The following DAG1 variants were observed in gnomAD, a reference collection of about 807,000 sequenced individuals.
The protein encoded by DAG1 is dystroglycan 1 (dystrophin-associated glycoprotein 1).
In DAG1, 8 loss-of-function variants were observed where a neutral mutation model predicts 46.1. The observed-to-expected ratio is 0.17, with a 90% CI of 0.10 to 0.31. The LOEUF is 0.31. Among genes scored for constraint, DAG1 ranks in the 10% least tolerant of loss-of-function variants. The pLI is 1.00. For missense variants in DAG1, 1,003 were observed against 1,189.9 expected (o/e 0.84, Z 2.31); for synonymous variants, 495 against 481.8 (o/e 1.03, Z -0.36).
chr3:49,490,089 T>TA (rs2107295114), intron 1 of DAG1, among the ~76,000 whole-genome samples: 1 of 152,204 alleles, frequency 6.6e-6, no homozygotes, highest in African/African-American at 2.4e-5. Flanking sequence ...CGCGGTGGCT[T>TA]ACGCCTGTAA....
intron 2 of DAG1, among the ~76,000 whole-genome samples, chr3:49,522,224 G>A (rs1432736138): frequency 6.6e-6 from 1 of 151,866 alleles, no homozygotes; most frequent in African/African-American, 2.4e-5. Context: ...TAGAGATGGG[G>A]TTTCACCATG....
upstream of DAG1, among the ~76,000 whole-genome samples, chr3:49,469,785 C>A (rs1178438957): frequency 6.6e-6 from 1 of 152,226 alleles, no homozygotes; most frequent in Non-Finnish European, 1.5e-5. Context: ...CTTAGAAATA[C>A]CCCTTGATTT....
At chr3:49,514,331 A>C (rs544550279) in intron 2 of DAG1, among the ~76,000 whole-genome samples, 1 of 152,172 alleles carries the variant, frequency 6.6e-6, no homozygotes. Flanking sequence ...AAATATAGAA[A>C]GGGAAAAAAA....
intron 2 of DAG1, among the ~76,000 whole-genome samples, chr3:49,512,813 C>T (rs141745478): frequency 2.0e-5 from 3 of 151,430 alleles, no homozygotes; most frequent in East Asian, 3.9e-4. Flanking sequence ...ACAAAAAATA[C>T]AAAAATTAGT....
Position 49,532,638 on chromosome 3 carries a change from C to T in DAG1, c.2127C>T (p.Gly709=), listed in dbSNP as rs2051391663. 27 of 1,613,956 alleles carry T rather than the reference C, an allele frequency of 1.7e-5. No individual in the cohort carries two copies. The highest frequency in any genetic ancestry group is 2.2e-5 in the Non-Finnish European group (26 of 1,179,924). ...AGGCCACAAGCATCACTGTGACGGG[C>T]TCTGGCAGTTGTCGGCACCTACAGT... The part of the protein sequence containing the change: ...DFKATSITVT[G]SGSCRHLQFI... Residue 709 remains glycine (G), a synonymous_variant, in exon 3 of 3, where the codon GGC becomes GGT. Transcript: ENST00000308775. The surrounding 1 kb of genome is among the most constrained non-coding windows in gnomAD (Gnocchi z 5.4).
Position 49,478,996 on chromosome 3 carries a change from G to T in DAG1, c.-117+8563G>T, listed in dbSNP as rs191998748. Among the ~76,000 whole-genome samples, 332 of 151,738 alleles carry T rather than the reference G, an allele frequency of 2.2e-3. 1 individual carries two copies. The highest frequency in any genetic ancestry group is 3.3e-3 in the Non-Finnish European group (225 of 67,912). On this transcript the variant is annotated intron_variant, in intron 1 of 2. Transcript: ENST00000308775. ...GCCGAGCTAAGTTTTTGTATTTTCA[G>T]TAGAGACGAGGTTTTACTATGTTAG...
At chr3:49,506,747 A>G (rs544596361) in intron 1 of DAG1, among the ~76,000 whole-genome samples, 14 of 152,240 alleles carry the variant, frequency 9.2e-5, no homozygotes, top group African/African-American at 3.4e-4. Flanking sequence ...TGTTTTCATG[A>G]TAGATACTGG....
Position 49,533,681 on chromosome 3 carries a change from G to A in DAG1, c.*482G>A. 3.3e-6 allele frequency: 1 copy of A among 298,888 alleles called. No individual in the cohort carries two copies. Among genetic ancestry groups the A allele is most frequent in the Non-Finnish European group, 6.5e-6 (1 of 153,382 alleles). 18.5% of individuals were successfully genotyped at this position (298,888 alleles called of 1,614,324 possible). A position where few individuals can be genotyped will look rare whatever the true frequency, so the allele number is the denominator to read the frequency against. ...ATTCAAAGGACTTTCAGAAGTTAAG[G>A]TTAAGTTTTTACGTTTAATCTGCTG... On this transcript the variant is annotated 3_prime_UTR_variant, in exon 3 of 3. Coordinates refer to ENST00000308775, the MANE Select transcript of DAG1 (RefSeq NM_004393.6).
intron 1 of DAG1, among the ~76,000 whole-genome samples, chr3:49,502,693 C>A (rs2050488448): frequency 6.9e-6 from 1 of 144,096 alleles, no homozygotes; most frequent in African/African-American, 2.6e-5. Context: ...GGCTGGAGTG[C>A]AGTGGTGCGA....
intron 1 of DAG1, among the ~76,000 whole-genome samples, chr3:49,481,396 CAAAA>C (rs10715955): frequency 7.5e-5 from 7 of 93,832 alleles, no homozygotes; most frequent in African/African-American, 1.2e-4. Context: ...GACTCTGCCT[CAAAA>C]AAAAAAAAAA....
chr3:49,493,872 G>A lies in DAG1; in HGVS notation c.-116-16547G>A, dbSNP rs114233891. On this transcript the variant is annotated intron_variant, in intron 1 of 2. Transcript: ENST00000308775. Reference sequence around the variant, plus strand: ...GTTGGCCTGGCCCACCATTTCACTGGTCATAGAATGGCTGTAGCTTTGCAG... The same window carrying A: ...GTTGGCCTGGCCCACCATTTCACTGATCATAGAATGGCTGTAGCTTTGCAG... Among the ~76,000 whole-genome samples, 1,055 of 152,334 alleles carry A rather than the reference G, an allele frequency of 6.9e-3. 8 individuals carry two copies. Among genetic ancestry groups the A allele is most frequent in the African/African-American group, 0.024 (1,006 of 41,582 alleles).
At chr3:49,528,876 A>G (rs1483424359) in intron 2 of DAG1, among the ~76,000 whole-genome samples, 1 of 145,656 alleles carries the variant, frequency 6.9e-6, no homozygotes, top group Non-Finnish European at 1.5e-5. Context: ...TCTGAGATGG[A>G]GTCTCACTCT....
At chr3:49,523,848 C>G (rs577522871) in intron 2 of DAG1, among the ~76,000 whole-genome samples, 9 of 152,308 alleles carry the variant, frequency 5.9e-5, no homozygotes, top group Admixed American at 5.9e-4. Flanking sequence ...TTACAGATGA[C>G]ACTGGGGCCA....
rs145165301 is a variant in DAG1, at chr3:49,510,753, C to T, written c.219C>T (p.Val73=). ...TTGGCATTCCTGATGGCACGGCTGTCGTCGGGCGCTCATTTCGAGTGACCA... is the reference window on the plus strand; with the variant it reads ...TTGGCATTCCTGATGGCACGGCTGTTGTCGGGCGCTCATTTCGAGTGACCA... ...TVVGIPDGTA[V]VGRSFRVTIP... Residue 73 remains valine (V), a synonymous_variant, in exon 2 of 3, where the codon GTC becomes GTT. Transcript: ENST00000308775. The T allele has an allele frequency of 1.6e-4, 257 of 1,614,186 alleles. No individual in the cohort carries two copies. The East Asian group carries it at 4.8e-3, about 30-fold the overall frequency.
upstream of DAG1, among the ~76,000 whole-genome samples, chr3:49,469,671 C>T (rs1014214087): frequency 5.3e-5 from 8 of 152,208 alleles, no homozygotes; most frequent in African/African-American, 1.9e-4. Flanking sequence ...AGCTAGCTTC[C>T]CGCTCCTCCT....
At chr3:49,475,776 T>G (rs1051862566) in intron 1 of DAG1, among the ~76,000 whole-genome samples, 2 of 150,500 alleles carry the variant, frequency 1.3e-5, no homozygotes, top group African/African-American at 4.9e-5. Flanking sequence ...CGATCCTGGC[T>G]CACTGTAAGC....
Position 49,533,353 on chromosome 3 carries a change from C to G in DAG1, c.*154C>G. The stretch of plus-strand genomic sequence containing the variant: ...ACAGGGGCCTGGACAAGCCCGCCCT[C>G]TCTGGTCCTCCCAAACCCCAAAGCA... On this transcript the variant is annotated 3_prime_UTR_variant, in exon 3 of 3. Coordinates refer to ENST00000308775, the MANE Select transcript of DAG1 (RefSeq NM_004393.6). The G allele has an allele frequency of 8.6e-7, 1 of 1,157,798 alleles. No individual in the cohort carries two copies. The highest frequency in any genetic ancestry group is 1.2e-6 in the Non-Finnish European group (1 of 801,674). The allele number at this position is 1,157,798 out of a possible 1,614,324, so 71.7% of individuals were successfully genotyped here. A position where few individuals can be genotyped will look rare whatever the true frequency, so the allele number is the denominator to read the frequency against.
chr3:49,479,394 C>T (rs1163053962), intron 1 of DAG1, among the ~76,000 whole-genome samples: 9 of 151,242 alleles, frequency 6.0e-5, no homozygotes, highest in Non-Finnish European at 1.3e-4. Context: ...ACTGCAACCT[C>T]CACCTCCTGG....
At chr3:49,516,280 G>A (rs1013069352) in intron 2 of DAG1, among the ~76,000 whole-genome samples, 1 of 152,214 alleles carries the variant, frequency 6.6e-6, no homozygotes, top group African/African-American at 2.4e-5. Flanking sequence ...ATGTTTGTAG[G>A]CTGGCAAAGG....
Sources: allele counts gnomAD v4.1 joint callset (sites outside exome capture counted in the v4.1 genomes callset), GRCh38; gene constraint gnomAD v4.1.1; non-coding constraint Gnocchi (gnomAD v3.1); transcripts MANE v1.5; gene names NCBI Gene and HGNC (gene_info 2026-07-23, HGNC 2026-07-21).